SLC27A6: variants seen among roughly 807,000 people sequenced by gnomAD.
SLC27A6 encodes long-chain fatty acid transport protein 6.
A neutral mutation model predicts 63.9 loss-of-function variants in SLC27A6; 74 were observed. The observed-to-expected ratio is 1.16, with a 90% confidence interval of 0.96 to 1.40. The LOEUF (loss-of-function observed/expected upper bound fraction) is 1.40. Ranked by LOEUF, SLC27A6 falls within the 40% of genes most tolerant of loss-of-function variation. SLC27A6 has a pLI of 0.00. For missense variants in SLC27A6, 794 were observed against 732.9 expected, an observed-to-expected ratio of 1.08 and a Z score of -0.96; for synonymous variants, 287 against 260.8, an observed-to-expected ratio of 1.10 and a Z score of -0.97.
rs1400827147 is a variant in SLC27A6 at position 128,988,606 on chromosome 5, CA to C, written c.696del (p.Ala233GlnfsTer3). Reference protein sequence around the residue: ...YIFTSGTTGLPKAAVISQLQV... With the variant: ...YIFTSGTTGLXKAAVISQLQV... ...TTCTTTTCTTTTCTTCCAGGTCTACCAAAAGCAGCTGTGATTAGTCAGCTGC... is the reference window on the plus strand; with the variant it reads ...TTCTTTTCTTTTCTTCCAGGTCTACCAAAGCAGCTGTGATTAGTCAGCTGC... On this transcript the variant is annotated frameshift_variant, in exon 3 of 10. Transcript: ENST00000262462. LOFTEE classifies it high-confidence loss of function. 1.9e-6 allele frequency: 3 copies of C among 1,613,268 alleles called. No homozygotes were observed. Among genetic ancestry groups the C allele is most frequent in the Non-Finnish European group, 2.5e-6 (3 of 1,179,640 alleles).
At chr5:129,017,380 A>G (rs1751936593) in intron 5 of SLC27A6, among the ~76,000 whole-genome samples, 2 of 152,138 alleles carry the variant, frequency 1.3e-5, no homozygotes, top group African/African-American at 2.4e-5. Context: ...AGAAGATACT[A>G]TGAGCTAAAT....
Position 129,029,686 on chromosome 5 carries a change from T to C in SLC27A6, c.1662T>C (p.Cys554=). The change falls in exon 9 of 10, where the codon TGT becomes TGC. Residue 554 remains cysteine, a synonymous_variant. Transcript: ENST00000262462. ...TAACATTTCTACCAGCTTATGCTTG[T>C]CCACGATTTTTAAGAATTCAGGTAA... ...QVVTFLPAYA[C]PRFLRIQEKM... is the part of the protein sequence containing the mutation. 6.3e-7 allele frequency: 1 copy of C among 1,598,550 alleles called. No individual in the cohort carries two copies. The highest frequency in any genetic ancestry group is 8.5e-7 in the Non-Finnish European group (1 of 1,175,490).
chr5:129,006,032 G>GTAT (rs1459128778), intron 4 of SLC27A6, among the ~76,000 whole-genome samples: 1 of 132,078 alleles, frequency 7.6e-6, no homozygotes, highest in Non-Finnish European at 1.6e-5. Flanking sequence ...ATCTTATTAT[G>GTAT]TATTCCATAT....
chr5:128,999,872 T>C (rs1221062787), intron 4 of SLC27A6, among the ~76,000 whole-genome samples: 1 of 152,148 alleles, frequency 6.6e-6, no homozygotes, highest in Non-Finnish European at 1.5e-5. Flanking sequence ...ATGTTATACA[T>C]GCATCAAGAG....
chr5:128,983,362 G>A (rs779343052), intron 1 of SLC27A6, among the ~76,000 whole-genome samples: 10 of 134,310 alleles, frequency 7.4e-5, no homozygotes, highest in Non-Finnish European at 1.4e-4. Flanking sequence ...GCGTGATCTC[G>A]GCTCACTGCC....
At chr5:128,999,622 T>A (rs1360020154) in intron 4 of SLC27A6, among the ~76,000 whole-genome samples, 1 of 152,150 alleles carries the variant, frequency 6.6e-6, no homozygotes, top group Non-Finnish European at 1.5e-5. Context: ...AAAGTCCAAC[T>A]TTTTACACCC....
At chr5:129,014,750 G>T (rs1366685347) in intron 4 of SLC27A6, among the ~76,000 whole-genome samples, 1 of 152,152 alleles carries the variant, frequency 6.6e-6, no homozygotes, top group East Asian at 1.9e-4. Context: ...TTCCTGCCAA[G>T]CTTTCTGCTT....
intron 4 of SLC27A6, among the ~76,000 whole-genome samples, chr5:129,005,831 C>G (rs1447246998): frequency 1.3e-5 from 2 of 151,474 alleles, no homozygotes; most frequent in Middle Eastern, 3.2e-3. Context: ...CCAGGATGGT[C>G]TCGATCTCCT....
intron 4 of SLC27A6, among the ~76,000 whole-genome samples, chr5:129,006,154 C>T (rs528181185): frequency 7.7e-6 from 1 of 130,162 alleles, no homozygotes; most frequent in South Asian, 2.7e-4. Flanking sequence ...TCTTGGCTCA[C>T]TGCAAGCTCC....
At chr5:128,970,206 G>T (rs1271041681) in intron 1 of SLC27A6, among the ~76,000 whole-genome samples, 2 of 143,428 alleles carry the variant, frequency 1.4e-5, no homozygotes, top group Non-Finnish European at 3.2e-5. Flanking sequence ...GTTCATCAAG[G>T]ATATTGGTCT....
chr5:128,985,215 A>C lies in SLC27A6; in HGVS notation c.564A>C (p.Gln188His), dbSNP rs1314163866. ...SVWGMKDSVP[Q>H]GVISLKEKLS... ...GGGGGATGAAAGATTCTGTTCCACA[A>C]GGTGTAATTTCACTCAAAGAAAAAC... The change falls in exon 2 of 10, where the codon CAA becomes CAC. Residue 188 changes from glutamine to histidine, a missense_variant. Coordinates refer to ENST00000262462, the MANE Select transcript of SLC27A6 (RefSeq NM_001017372.3). 6.2e-7 allele frequency: 1 copy of C among 1,613,940 alleles called. No individual in the cohort carries two copies. The highest frequency in any genetic ancestry group is 8.5e-7 in the Non-Finnish European group (1 of 1,179,868).
At position 128,966,291 on chromosome 5, in the gene SLC27A6, G is replaced by T. The variant is rs1450194377; in HGVS notation, c.154G>T (p.Glu52Ter). 3.7e-6 allele frequency: 6 copies of T among 1,613,900 alleles called. No homozygotes were observed. The highest frequency in any genetic ancestry group is 2.5e-6 in the Non-Finnish European group (3 of 1,179,968). ...IRLKKYEKRGELVTVLDKFLS... is the reference protein window; with the variant it reads ...IRLKKYEKRG ...GCTGAAGAAGTATGAAAAGAGAGGG[G>T]AGCTGGTGACTGTGCTGGATAAATT... Residue 52 changes from glutamate (E) to a stop codon, truncating the protein, a stop_gained, in exon 1 of 10, where the codon GAG becomes TAG. Transcript: ENST00000262462. LOFTEE classifies it high-confidence loss of function.
At chr5:129,018,483 A>G (rs552948285) in intron 5 of SLC27A6, among the ~76,000 whole-genome samples, 15 of 152,224 alleles carry the variant, frequency 9.9e-5, no homozygotes, top group African/African-American at 3.4e-4. Flanking sequence ...TTTATAATGC[A>G]TTCTTTTAGA....
chr5:129,030,658 A>T (rs947770004), intron 9 of SLC27A6, among the ~76,000 whole-genome samples: 6 of 152,004 alleles, frequency 3.9e-5, no homozygotes, highest in Non-Finnish European at 8.8e-5. Flanking sequence ...TTTTTATTGA[A>T]ATTTTATTGA....
rs575158976 is a variant in SLC27A6, at chr5:129,001,150, G to T, written c.969+10686G>T. ...AACATTGAAAAGATTTTCAGGGGCA[G>T]CTGGAACCTGTGCTGTCTTGACCTT... On this transcript the variant is annotated intron_variant, in intron 4 of 9. Transcript: ENST00000262462. 3.3e-5 allele frequency among the ~76,000 whole-genome samples: 5 copies of T among 152,286 alleles called. No individual in the cohort carries two copies. The East Asian group carries it at 5.8e-4, about 18-fold the overall frequency.
chr5:129,004,998 G>T lies in SLC27A6; in HGVS notation c.970-10887G>T, dbSNP rs77569677. ...TCATCTTTTGCCTGAACTACTTCAG[G>T]TGCTATCCCTGGCCCCGCTAACTTT... On this transcript the variant is annotated intron_variant, in intron 4 of 9. Transcript: ENST00000262462. Among the ~76,000 whole-genome samples, 1,392 of 152,242 alleles carry T rather than the reference G, an allele frequency of 9.1e-3. 15 individuals are homozygous for T. The highest frequency in any genetic ancestry group is 0.031 in the African/African-American group (1,286 of 41,540).
chr5:128,966,948 T>C lies in SLC27A6; in HGVS notation c.481+330T>C, dbSNP rs558095397. Among the ~76,000 whole-genome samples the C allele has an allele frequency of 2.0e-5, 3 of 152,326 alleles. No homozygotes were observed. In the East Asian group the frequency reaches 5.8e-4, roughly 29 times the overall value. ...TTATCAGCTCTGACAAAATGGTGAA[T>C]AGGAAAGTTATCTGACTTCATTGTG... On this transcript the variant is annotated intron_variant, in intron 1 of 9. Coordinates refer to ENST00000262462, the MANE Select transcript of SLC27A6 (RefSeq NM_001017372.3).
chr5:128,977,907 G>C (rs1750443337), intron 1 of SLC27A6, among the ~76,000 whole-genome samples: 1 of 151,994 alleles, frequency 6.6e-6, no homozygotes, highest in African/African-American at 2.4e-5. Context: ...TTTGTTTTAA[G>C]TAAAGAGAAG....
intron 1 of SLC27A6, among the ~76,000 whole-genome samples, chr5:128,976,689 C>T (rs1477700509): frequency 1.3e-4 from 12 of 89,894 alleles, no homozygotes; most frequent in African/African-American, 1.3e-4. Context: ...AACTATGCAC[C>T]ATTTCAGTGT....
Sources: gnomAD v4.1 joint callset for allele counts (sites outside exome capture counted in the v4.1 genomes callset) on GRCh38, gnomAD v4.1.1 for gene constraint, MANE v1.5 for transcripts, NCBI Gene and HGNC (gene_info 2026-07-23, HGNC 2026-07-21) for gene names.